The following ARL15 variants were observed in gnomAD, a reference collection of about 807,000 sequenced individuals.
The protein encoded by ARL15 is ADP-ribosylation factor-like protein 15.
A neutral mutation model predicts 25.2 loss-of-function variants in ARL15; 19 were observed. The ratio of observed to expected loss-of-function variants is 0.75; its 90% confidence interval spans 0.53 to 1.10. The LOEUF (loss-of-function observed/expected upper bound fraction) is 1.10, where lower values mean the gene tolerates loss of function less well. Among genes scored for constraint, ARL15 ranks in the 50% least tolerant of loss-of-function variants. The pLI is 0.00. For missense variants in ARL15, 220 were observed against 246.0 expected (o/e 0.89, Z 0.71); for synonymous variants, 94 against 86.8 (o/e 1.08, Z -0.46).
intron 1 of ARL15, among the ~76,000 whole-genome samples, chr5:54,231,384 TTC>T (rs1451638002): frequency 2.6e-5 from 4 of 152,100 alleles, no homozygotes; most frequent in South Asian, 2.1e-4. Context: ...TAACATCCAC[TTC>T]TCTGTCTCTC....
At chr5:53,908,791 T>G (rs151328893) in intron 4 of ARL15, among the ~76,000 whole-genome samples, 2,056 of 152,294 alleles carry the variant, frequency 0.014, 27 homozygotes, top group Middle Eastern at 0.044. Flanking sequence ...CTTCCCTATT[T>G]GACAAAAGAT....
At chr5:54,210,698 G>A (rs1412197099) in intron 1 of ARL15, among the ~76,000 whole-genome samples, 1 of 152,188 alleles carries the variant, frequency 6.6e-6, no homozygotes, top group African/African-American at 2.4e-5. Flanking sequence ...TGCTGCTGTT[G>A]CTATTATTTG....
intron 4 of ARL15, among the ~76,000 whole-genome samples, chr5:53,990,258 C>A (rs972320866): frequency 5.4e-5 from 8 of 148,510 alleles, no homozygotes; most frequent in African/African-American, 2.0e-4. Context: ...TAAAAAAAAA[C>A]ACATCATATT....
At chr5:54,123,682 A>G (rs1753160820) in intron 3 of ARL15, among the ~76,000 whole-genome samples, 1 of 152,166 alleles carries the variant, frequency 6.6e-6, no homozygotes, top group Admixed American at 6.5e-5. Flanking sequence ...TTAAAACAAG[A>G]CTAGCCCACT....
intron 4 of ARL15, among the ~76,000 whole-genome samples, chr5:54,112,635 T>C (rs1252653636): frequency 2.0e-5 from 3 of 152,238 alleles, no homozygotes; most frequent in Admixed American, 1.3e-4. Flanking sequence ...ATTAGTCTCA[T>C]GCTTTTATAG....
At chr5:54,127,203 A>T (rs569225636) in intron 3 of ARL15, among the ~76,000 whole-genome samples, 1 of 152,314 alleles carries the variant, frequency 6.6e-6, no homozygotes, top group South Asian at 2.1e-4. Flanking sequence ...ATAGTATACC[A>T]TGGTGTATAT....
At chr5:54,161,628 A>T (rs541619497) in intron 2 of ARL15, among the ~76,000 whole-genome samples, 1 of 152,140 alleles carries the variant, frequency 6.6e-6, no homozygotes, top group Non-Finnish European at 1.5e-5. Flanking sequence ...GACTTGGCAC[A>T]GTTTATCTGT....
chr5:53,963,976 T>A (rs1747459501), intron 4 of ARL15, among the ~76,000 whole-genome samples: 1 of 152,228 alleles, frequency 6.6e-6, no homozygotes, highest in Non-Finnish European at 1.5e-5. Flanking sequence ...AAAGATTCCC[T>A]TGATTTGACC....
chr5:53,989,900 G>A (rs1241432837), intron 4 of ARL15, among the ~76,000 whole-genome samples: 1 of 152,142 alleles, frequency 6.6e-6, no homozygotes, highest in Non-Finnish European at 1.5e-5. Flanking sequence ...ATTAAGAACA[G>A]GGCAGTAATT....
At chr5:54,239,635 C>A (rs192071559) in intron 1 of ARL15, among the ~76,000 whole-genome samples, 1 of 152,192 alleles carries the variant, frequency 6.6e-6, no homozygotes, top group East Asian at 1.9e-4. Context: ...AATATGAGGA[C>A]AAAAAGAAGT....
chr5:53,953,509 C>A (rs186899433), intron 4 of ARL15, among the ~76,000 whole-genome samples: 1 of 152,064 alleles, frequency 6.6e-6, no homozygotes, highest in Admixed American at 6.5e-5. Context: ...GAGGTAAATC[C>A]TCATTAGAAA....
chr5:54,269,125 G>A (rs530479667), intron 1 of ARL15, among the ~76,000 whole-genome samples: 29 of 152,130 alleles, frequency 1.9e-4, no homozygotes, highest in African/African-American at 5.3e-4. Context: ...AATGCTAAAT[G>A]ACGAGTTAAT....
chr5:53,907,457 CATATATATAT>C lies in ARL15; in HGVS notation c.463-20754_463-20745del, dbSNP rs1174664612. Among the ~76,000 whole-genome samples, 56 of 23,856 alleles carry C rather than the reference CATATATATAT, an allele frequency of 2.3e-3. 1 individual carries two copies. The highest frequency in any genetic ancestry group is 5.5e-3 in the African/African-American group (31 of 5,596). 15.7% of individuals were successfully genotyped at this position (23,856 alleles called of 152,430 possible). On this transcript the variant is annotated intron_variant, in intron 4 of 4. Coordinates refer to ENST00000504924, the MANE Select transcript of ARL15 (RefSeq NM_019087.3). Reference sequence around the variant, plus strand: ...AGGTTGAAAGGTTGGCTTAAGAGTTCATATATATATATATATATATATATATATATATTTT... The same window carrying C: ...AGGTTGAAAGGTTGGCTTAAGAGTTCATATATATATATATATATATATTTT...
intron 4 of ARL15, among the ~76,000 whole-genome samples, chr5:53,947,596 T>C (rs1262572543): frequency 2.0e-5 from 3 of 152,140 alleles, no homozygotes; most frequent in Non-Finnish European, 2.9e-5. Flanking sequence ...ACTGGGATTG[T>C]AGGATCCCAG....
intron 1 of ARL15, among the ~76,000 whole-genome samples, chr5:54,265,615 C>CA (rs1189576361): frequency 1.5e-5 from 2 of 134,802 alleles, no homozygotes; most frequent in East Asian, 4.0e-4. Context: ...TACTTTCTAT[C>CA]ATGCCCTTTC....
intron 1 of ARL15, among the ~76,000 whole-genome samples, chr5:54,275,994 G>T (rs1053656460): frequency 2.0e-5 from 3 of 151,760 alleles, no homozygotes; most frequent in Non-Finnish European, 4.4e-5. Flanking sequence ...GGCTGGACTT[G>T]AACTCCTGGG....
rs552385522 is a variant in ARL15, at chr5:54,200,135, G to A, written c.49-28207C>T. Among the ~76,000 whole-genome samples the A allele has an allele frequency of 2.6e-3, 359 of 136,428 alleles. 2 individuals carry two copies. Among genetic ancestry groups the A allele is most frequent in the African/African-American group, 8.9e-3 (334 of 37,566 alleles). 89.5% of individuals were successfully genotyped at this position (136,428 alleles called of 152,430 possible). ...CAGGAAGGGGAACATCACACTCTGG[G>A]GACTGTTGTGGGGTGGGGGGAGGGG... On this transcript the variant is annotated intron_variant, in intron 1 of 4. Coordinates refer to ENST00000504924, the MANE Select transcript of ARL15 (RefSeq NM_019087.3).
intron 1 of ARL15, among the ~76,000 whole-genome samples, chr5:54,279,646 C>A (rs1040897201): frequency 6.6e-6 from 1 of 152,202 alleles, no homozygotes; most frequent in Non-Finnish European, 1.5e-5. Flanking sequence ...TCATCACACT[C>A]TCTCCTTTTA....
At chr5:53,919,151 C>T (rs1745761309) in intron 4 of ARL15, among the ~76,000 whole-genome samples, 1 of 152,128 alleles carries the variant, frequency 6.6e-6, no homozygotes, top group Admixed American at 6.5e-5. Flanking sequence ...AAAACAGGAA[C>T]CATATTGCAA....
Sources: gnomAD v4.1 joint callset for allele counts (sites outside exome capture counted in the v4.1 genomes callset) on GRCh38, gnomAD v4.1.1 for gene constraint, MANE v1.5 for transcripts, NCBI Gene and HGNC (gene_info 2026-07-23, HGNC 2026-07-21) for gene names.